PSMD11: variants seen among roughly 807,000 people sequenced by gnomAD.
The protein encoded by PSMD11 is 26S proteasome non-ATPase regulatory subunit 11.
In PSMD11, 5 loss-of-function variants were observed where a neutral mutation model predicts 62.3. That is an observed-to-expected ratio of 0.08 (90% confidence interval 0.04 to 0.17). The LOEUF is 0.17. Ranked by LOEUF, PSMD11 falls within the 10% of genes least tolerant of loss-of-function variation. PSMD11 has a pLI of 1.00. For synonymous variants in PSMD11, 191 were observed against 191.8 expected, an observed-to-expected ratio of 1.00 and a Z score of 0.03; for missense variants, 310 against 512.9, an observed-to-expected ratio of 0.60 and a Z score of 3.82.
chr17:32,459,644 A>G (rs551782139), intron 3 of PSMD11, among the ~76,000 whole-genome samples: 2 of 152,186 alleles, frequency 1.3e-5, no homozygotes, highest in South Asian at 2.1e-4. Context: ...GACTTGGGGA[A>G]ATAGGATATA....
chr17:32,466,936 T>C (rs1908008286), intron 5 of PSMD11, among the ~76,000 whole-genome samples: 2 of 152,104 alleles, frequency 1.3e-5, no homozygotes, highest in African/African-American at 2.4e-5. Context: ...CTTGTTTTTT[T>C]GTTTGTTTGT....
At chr17:32,467,834 C>T (rs992256972) in intron 5 of PSMD11, among the ~76,000 whole-genome samples, 2 of 152,028 alleles carry the variant, frequency 1.3e-5, no homozygotes, top group African/African-American at 4.8e-5. Flanking sequence ...GTTTTAATGT[C>T]GGGTACATGT....
chr17:32,473,534 C>T (rs1021502531), intron 6 of PSMD11, among the ~76,000 whole-genome samples: 2 of 152,046 alleles, frequency 1.3e-5, no homozygotes, highest in East Asian at 3.9e-4. Context: ...CCTGCCTCAG[C>T]CTCCCAAAGT....
chr17:32,476,338 C>T (rs975547967), intron 8 of PSMD11, among the ~76,000 whole-genome samples: 1 of 152,172 alleles, frequency 6.6e-6, no homozygotes, highest in South Asian at 2.1e-4. Flanking sequence ...TCAGGGACAT[C>T]CAAGTGTTCA....
At chr17:32,472,116 C>T (rs1234730188) in intron 6 of PSMD11, among the ~76,000 whole-genome samples, 1 of 152,130 alleles carries the variant, frequency 6.6e-6, no homozygotes, top group Admixed American at 6.5e-5. Context: ...GATCCACCTG[C>T]CTTGGCCTCC....
At chr17:32,452,173 G>A (rs1197699458) in intron 2 of PSMD11, among the ~76,000 whole-genome samples, 3 of 152,162 alleles carry the variant, frequency 2.0e-5, no homozygotes, top group African/African-American at 4.8e-5. Flanking sequence ...TTCAGGACCT[G>A]CTACTAAGAC....
At chr17:32,449,513 A>G (rs1040768075) in intron 2 of PSMD11, among the ~76,000 whole-genome samples, 1 of 152,208 alleles carries the variant, frequency 6.6e-6, no homozygotes, top group Admixed American at 6.5e-5. Flanking sequence ...ATTTTCATCC[A>G]AAAATGTTAC....
chr17:32,466,933 TTTTGTTTG>T (rs199657031), intron 5 of PSMD11, among the ~76,000 whole-genome samples: 8 of 152,158 alleles, frequency 5.3e-5, no homozygotes, highest in African/African-American at 7.2e-5. Context: ...TGTCTTGTTT[TTTTGTTTG>T]TTTGTTTGTT....
intron 3 of PSMD11, among the ~76,000 whole-genome samples, chr17:32,461,082 T>C (rs930521471): frequency 6.6e-6 from 1 of 151,988 alleles, no homozygotes; most frequent in Non-Finnish European, 1.5e-5. Context: ...ACAATAGCAC[T>C]TTTTCTTTTT....
intron 8 of PSMD11, chr17:32,477,247 T>C (rs2150840024): frequency 2.9e-6 from 1 of 343,138 alleles, no homozygotes; most frequent in Middle Eastern, 7.4e-4. Flanking sequence ...TAGCTTGTCA[T>C]CTCTAGAGAA....
chr17:32,459,612 G>T lies in PSMD11; in HGVS notation c.319-4437G>T, dbSNP rs142649264. Among the ~76,000 whole-genome samples, 12 of 152,108 alleles carry T rather than the reference G, an allele frequency of 7.9e-5. No individual in the cohort carries two copies. In the East Asian group the frequency reaches 1.7e-3, roughly 22 times the overall value. On this transcript the variant is annotated intron_variant, in intron 3 of 13. Transcript: ENST00000261712. ...AGCATGGGGTGTTGTTACTACATTC[G>T]TTTAGGTAACTCAAGGTCTCTGACT... is the stretch of plus-strand genomic sequence containing the variant.
chr17:32,468,154 G>A (rs1451261482), intron 5 of PSMD11, among the ~76,000 whole-genome samples: 11 of 152,140 alleles, frequency 7.2e-5, no homozygotes, highest in Non-Finnish European at 1.6e-4. Context: ...TGGCTGCATA[G>A]TATTCTGTGG....
chr17:32,457,610 C>A (rs1042955839), intron 3 of PSMD11, among the ~76,000 whole-genome samples: 3 of 152,084 alleles, frequency 2.0e-5, no homozygotes, highest in African/African-American at 7.2e-5. Flanking sequence ...AGTAGGACCT[C>A]TTTTGGTAAT....
At chr17:32,470,836 C>T (rs909723639) in intron 6 of PSMD11, among the ~76,000 whole-genome samples, 1 of 152,168 alleles carries the variant, frequency 6.6e-6, no homozygotes, top group African/African-American at 2.4e-5. Flanking sequence ...GTTGAAGGGG[C>T]TTTCCTTAGC....
chr17:32,473,167 A>T (rs1312945851), intron 6 of PSMD11, among the ~76,000 whole-genome samples: 3 of 151,534 alleles, frequency 2.0e-5, no homozygotes, highest in African/African-American at 7.3e-5. Flanking sequence ...AAAAAAAAAA[A>T]TAAAGAGACA....
chr17:32,453,691 A>C (rs987827527), intron 2 of PSMD11, among the ~76,000 whole-genome samples: 2 of 152,194 alleles, frequency 1.3e-5, no homozygotes, highest in Non-Finnish European at 2.9e-5. Context: ...CTACATTCCA[A>C]AATACCTCCT....
At chr17:32,466,582 GTGT>G (rs1199813969) in intron 5 of PSMD11, among the ~76,000 whole-genome samples, 1 of 152,180 alleles carries the variant, frequency 6.6e-6, no homozygotes, top group Non-Finnish European at 1.5e-5. Flanking sequence ...ATGGACACTT[GTGT>G]TGTTTCTACA....
intron 3 of PSMD11, among the ~76,000 whole-genome samples, chr17:32,461,588 A>AAAAAAGG (rs1907847983): frequency 6.6e-6 from 1 of 151,298 alleles, no homozygotes; most frequent in Non-Finnish European, 1.5e-5. Context: ...AAAGAAAAAA[A>AAAAAAGG]AAAAGGAAAA....
chr17:32,477,298 C>T (rs1260081695), intron 8 of PSMD11: 2 of 401,304 alleles, frequency 5.0e-6, no homozygotes, highest in South Asian at 1.9e-4. Flanking sequence ...TTTCTGTTTC[C>T]TAGTATTATT....
Sources: allele counts gnomAD v4.1 joint callset (sites outside exome capture counted in the v4.1 genomes callset), GRCh38; gene constraint gnomAD v4.1.1; transcripts MANE v1.5; gene names NCBI Gene and HGNC (gene_info 2026-07-23, HGNC 2026-07-21).